Variants in ST18 observed in about 807,000 individuals in gnomAD.
ST18 encodes ST18 C2H2C-type zinc finger transcription factor, also known as suppression of tumorigenicity 18 protein.
In ST18, 50 loss-of-function variants were observed where a neutral mutation model predicts 110.0. The observed-to-expected ratio is 0.45, with a 90% CI of 0.36 to 0.58. The LOEUF (loss-of-function observed/expected upper bound fraction) is 0.58, where lower values mean the gene tolerates loss of function less well. Among genes scored for constraint, ST18 ranks in the 20% least tolerant of loss-of-function variants. The pLI, the probability that ST18 is intolerant of heterozygous loss-of-function variation, is 0.00. For missense variants in ST18, 1,306 were observed against 1,280.1 expected (o/e 1.02, Z -0.31); for synonymous variants, 461 against 452.4 (o/e 1.02, Z -0.24).
chr8:52,120,944 G>A (rs1393633531), intron 23 of ST18, among the ~76,000 whole-genome samples: 8 of 152,060 alleles, frequency 5.3e-5, no homozygotes, highest in South Asian at 2.1e-4. Context: ...AGGAATCGAC[G>A]GAGAAGAGAG....
At chr8:52,134,762 AT>A (rs1299804816) in intron 19 of ST18, among the ~76,000 whole-genome samples, 1 of 152,182 alleles carries the variant, frequency 6.6e-6, no homozygotes, top group Non-Finnish European at 1.5e-5. Flanking sequence ...TTCTATTAAC[AT>A]TTTTTAGTAA....
chr8:52,359,245 A>G (rs1329204739), intron 2 of ST18, among the ~76,000 whole-genome samples: 2 of 152,106 alleles, frequency 1.3e-5, no homozygotes, highest in Non-Finnish European at 1.5e-5. Flanking sequence ...TCCACGTGGT[A>G]AAAGGCATTT....
At chr8:52,175,788 T>A (rs554145874) in intron 9 of ST18, among the ~76,000 whole-genome samples, 30 of 152,270 alleles carry the variant, frequency 2.0e-4, no homozygotes, top group Middle Eastern at 3.4e-3. Context: ...GCCCAGCCAG[T>A]GCAAGACTGA....
intron 2 of ST18, among the ~76,000 whole-genome samples, chr8:52,359,175 C>T (rs1372637462): frequency 6.6e-6 from 1 of 151,494 alleles, no homozygotes; most frequent in Non-Finnish European, 1.5e-5. Context: ...GAGAAAAATT[C>T]AATACTATTT....
At chr8:52,319,777 A>G (rs908186369) in intron 2 of ST18, among the ~76,000 whole-genome samples, 8 of 152,184 alleles carry the variant, frequency 5.3e-5, no homozygotes, top group East Asian at 1.9e-4. Flanking sequence ...TGAAGGTTCA[A>G]TCAGGCTGGA....
At chr8:52,176,998 G>C (rs1258815002) in intron 9 of ST18, among the ~76,000 whole-genome samples, 1 of 152,188 alleles carries the variant, frequency 6.6e-6, no homozygotes, top group South Asian at 2.1e-4. Flanking sequence ...TTAGTTGAAA[G>C]ATAATGTGTT....
intron 2 of ST18, among the ~76,000 whole-genome samples, chr8:52,313,970 G>A (rs940849846): frequency 6.6e-6 from 1 of 152,160 alleles, no homozygotes; most frequent in Non-Finnish European, 1.5e-5. Flanking sequence ...ATTTGGCCAC[G>A]GGAGTGCGGT....
intron 17 of ST18, among the ~76,000 whole-genome samples, chr8:52,139,919 AATGAC>A (rs2054236141): frequency 6.6e-6 from 1 of 152,178 alleles, no homozygotes; most frequent in Non-Finnish European, 1.5e-5. Context: ...AATTTTACAT[AATGAC>A]ATGTGCCAAT....
chr8:52,239,416 C>T (rs925121112), intron 2 of ST18, among the ~76,000 whole-genome samples: 2 of 152,060 alleles, frequency 1.3e-5, no homozygotes, highest in Non-Finnish European at 1.5e-5. Flanking sequence ...CAGTAAGGTG[C>T]CTGCATGCTG....
intron 2 of ST18, among the ~76,000 whole-genome samples, chr8:52,397,085 T>G (rs1334494291): frequency 6.6e-6 from 1 of 152,224 alleles, no homozygotes; most frequent in Non-Finnish European, 1.5e-5. Context: ...GCTGTATCAA[T>G]CTACAATTTC....
intron 15 of ST18, among the ~76,000 whole-genome samples, chr8:52,152,203 T>C (rs1213586510): frequency 6.6e-6 from 1 of 152,180 alleles, no homozygotes; most frequent in East Asian, 1.9e-4. Flanking sequence ...ACAGATGCCT[T>C]CAACAATTAC....
intron 2 of ST18, among the ~76,000 whole-genome samples, chr8:52,374,190 T>C (rs1831296268): frequency 1.3e-5 from 2 of 152,176 alleles, no homozygotes; most frequent in South Asian, 4.1e-4. Context: ...GCAGATGTAA[T>C]GGAGTTGAAA....
At chr8:52,233,714 G>C (rs2092050708) in intron 2 of ST18, among the ~76,000 whole-genome samples, 1 of 152,096 alleles carries the variant, frequency 6.6e-6, no homozygotes, top group African/African-American at 2.4e-5. Context: ...TATTTTCATT[G>C]GCTTTCACCA....
intron 2 of ST18, among the ~76,000 whole-genome samples, chr8:52,313,840 C>T (rs2095970795): frequency 6.6e-6 from 1 of 152,200 alleles, no homozygotes; most frequent in South Asian, 2.1e-4. Context: ...CAAGCTCAGT[C>T]CTGGCAACTT....
intron 2 of ST18, among the ~76,000 whole-genome samples, chr8:52,326,271 G>A (rs962181471): frequency 6.6e-6 from 1 of 152,180 alleles, no homozygotes; most frequent in African/African-American, 2.4e-5. Context: ...CAGCAGTGGG[G>A]AAGGGGAGGA....
At chr8:52,125,966 A>C in intron 23 of ST18, 86 bp downstream of exon 23, 1 of 965,868 alleles carries the variant, frequency 1.0e-6, no homozygotes, top group Non-Finnish European at 1.5e-6. Context: ...CTTCCCACCT[A>C]GAGAATACTT....
intron 8 of ST18, among the ~76,000 whole-genome samples, chr8:52,198,958 C>A (rs1433125169): frequency 2.0e-5 from 3 of 152,126 alleles, no homozygotes; most frequent in Non-Finnish European, 4.4e-5. Context: ...GAGCTGTGGG[C>A]ACCTGGAAGT....
At chr8:52,224,845 A>T (rs62499763) in intron 3 of ST18, among the ~76,000 whole-genome samples, 17,644 of 152,288 alleles carry the variant, frequency 0.12, 1,377 homozygotes, top group Middle Eastern at 0.21. Flanking sequence ...TTGAAAGAAT[A>T]AAATTTGTCA....
chr8:52,230,191 T>C (rs1428622461), intron 2 of ST18, 114 bp from the exon 3 acceptor site: 1 of 152,182 alleles, frequency 6.6e-6, no homozygotes, highest in Non-Finnish European at 1.5e-5. Flanking sequence ...TCAAGTAATT[T>C]CCATGCTGAC....
Sources: gnomAD v4.1 joint callset for allele counts (sites outside exome capture counted in the v4.1 genomes callset) on GRCh38, gnomAD v4.1.1 for gene constraint, MANE v1.5 for transcripts, NCBI Gene and HGNC (gene_info 2026-07-23, HGNC 2026-07-21) for gene names.